Variants in PCDHGB5 observed in about 807,000 individuals in gnomAD.
PCDHGB5 encodes the protein protocadherin gamma-B5.
A neutral mutation model predicts 62.9 loss-of-function variants in PCDHGB5; 48 were observed. The ratio of observed to expected loss-of-function variants is 0.76; its 90% confidence interval spans 0.61 to 0.97. The LOEUF (loss-of-function observed/expected upper bound fraction) is 0.97, where lower values mean the gene tolerates loss of function less well. PCDHGB5 is among the 50% of genes least tolerant of loss of function. The pLI, the probability that PCDHGB5 is intolerant of heterozygous loss-of-function variation, is 0.00. For synonymous variants in PCDHGB5, 474 were observed against 511.2 expected, an observed-to-expected ratio of 0.93 and a Z score of 0.98; for missense variants, 1,118 against 1,198.6, an observed-to-expected ratio of 0.93 and a Z score of 0.99.
At position 141,415,772 on chromosome 5, in the gene PCDHGB5, T is replaced by A. The variant is rs540545854; in HGVS notation, c.2397+15248T>A. On this transcript the variant is annotated intron_variant, in intron 1 of 3. Coordinates refer to ENST00000617380, the MANE Select transcript of PCDHGB5 (RefSeq NM_018925.3). ...TTTTTTTTTTTTTTTTTTTTTTTTT[T>A]ACTTTCTGGTAAAATTCACCTAGTC... is the stretch of plus-strand genomic sequence containing the variant. 5,409 of 1,336,512 alleles carry A rather than the reference T, an allele frequency of 4.0e-3. 27 individuals carry two copies. The highest frequency in any genetic ancestry group is 7.3e-3 in the Admixed American group (200 of 27,462). 82.8% of individuals were successfully genotyped at this position (1,336,512 alleles called of 1,614,324 possible).
chr5:141,404,545 G>A (rs763601254), intron 1 of PCDHGB5: 1 of 1,613,940 alleles, frequency 6.2e-7, no homozygotes, highest in Admixed American at 1.7e-5. Context: ...TGCAAATGCA[G>A]GTGACGGCAA....
chr5:141,403,324 T>G (rs769971532), intron 1 of PCDHGB5: 1 of 1,613,974 alleles, frequency 6.2e-7, no homozygotes, highest in East Asian at 2.2e-5. Context: ...TAGAAGTAAC[T>G]GATATTAACG....
chr5:141,505,246 G>C, intron 2 of PCDHGB5, 147 bp from the exon 3 acceptor site: 2 of 1,436,674 alleles, frequency 1.4e-6, no homozygotes, highest in Non-Finnish European at 1.9e-6. Flanking sequence ...AAGGATTGTA[G>C]AAGTGCCTCC....
chr5:141,472,071 A>T (rs1243864250), intron 1 of PCDHGB5, among the ~76,000 whole-genome samples: 5 of 152,200 alleles, frequency 3.3e-5, no homozygotes, highest in South Asian at 2.1e-4. Context: ...GTCTGTGGTT[A>T]TATCAATGAG....
chr5:141,498,625 T>C (rs1327552423), intron 2 of PCDHGB5, among the ~76,000 whole-genome samples: 1 of 152,176 alleles, frequency 6.6e-6, no homozygotes, highest in Non-Finnish European at 1.5e-5. Context: ...TGGGTCACAC[T>C]GCCTAGACAG....
At chr5:141,423,090 G>A in intron 1 of PCDHGB5, 2 of 1,614,022 alleles carry the variant, frequency 1.2e-6, no homozygotes, top group Non-Finnish European at 1.7e-6. Flanking sequence ...TCGCGGTGGG[G>A]GAGCACACGG....
At position 141,489,380 on chromosome 5, in the gene PCDHGB5, A is replaced by G. The variant is rs753226956; in HGVS notation, c.2398-5427A>G. ...TCTGAGCCGGGGACGCTGGTGGGGA[A>G]TGTTGCTCAGGATCTGGGCTTAAAG... is the stretch of plus-strand genomic sequence containing the variant. On this transcript the variant is annotated intron_variant, in intron 1 of 3. Transcript: ENST00000617380. The surrounding 1 kb of genome is among the most constrained non-coding windows in gnomAD (Gnocchi z 4.5). The G allele has an allele frequency of 1.9e-6, 3 of 1,613,874 alleles. No individual in the cohort carries two copies. Among genetic ancestry groups the G allele is most frequent in the Admixed American group, 1.7e-5 (1 of 60,026 alleles).
intron 1 of PCDHGB5, chr5:141,403,278 T>C (rs1254967384): frequency 1.2e-6 from 2 of 1,613,784 alleles, no homozygotes; most frequent in Non-Finnish European, 1.7e-6. Context: ...TTTAAAGTCC[T>C]GGTTGAAGAC....
chr5:141,476,328 G>C lies in PCDHGB5; in HGVS notation c.2398-18479G>C, dbSNP rs1381722714. On this transcript the variant is annotated intron_variant, in intron 1 of 3. Coordinates refer to ENST00000617380, the MANE Select transcript of PCDHGB5 (RefSeq NM_018925.3). This position sits in a 1 kb window ranked among gnomAD's most constrained non-coding sequence, Gnocchi z 7.6. Reference sequence around the variant, plus strand: ...GCCCGCAGGTTCCGGGTGGTGTCTGGAGCTAGCCGAAGATTCTTTGAGGTG... The same window carrying C: ...GCCCGCAGGTTCCGGGTGGTGTCTGCAGCTAGCCGAAGATTCTTTGAGGTG... 1 of 1,614,176 alleles carries C rather than the reference G, an allele frequency of 6.2e-7. No individual in the cohort carries two copies. Among genetic ancestry groups the C allele is most frequent in the East Asian group, 2.2e-5 (1 of 44,864 alleles).
chr5:141,499,418 A>G (rs143234735), intron 2 of PCDHGB5, among the ~76,000 whole-genome samples: 1 of 152,296 alleles, frequency 6.6e-6, no homozygotes, highest in East Asian at 1.9e-4. Context: ...GAAACATGAA[A>G]AATAGAAAAA....
At position 141,491,832 on chromosome 5, in the gene PCDHGB5, C is replaced by T. The variant is rs755882255; in HGVS notation, c.2398-2975C>T. On this transcript the variant is annotated intron_variant, in intron 1 of 3. Coordinates refer to ENST00000617380, the MANE Select transcript of PCDHGB5 (RefSeq NM_018925.3). The surrounding 1 kb of genome is among the most constrained non-coding windows in gnomAD (Gnocchi z 6.9). ...GTCGCTGGCTGCGCTCCACCCGATT[C>T]TCGGGATCATTGGACCGTTTGCGCG... 1.6e-5 allele frequency: 24 copies of T among 1,474,306 alleles called. No individual in the cohort carries two copies. The highest frequency in any genetic ancestry group is 2.0e-5 in the Non-Finnish European group (22 of 1,112,688). 91.3% of individuals were successfully genotyped at this position (1,474,306 alleles called of 1,614,324 possible). A position where few individuals can be genotyped will look rare whatever the true frequency, so the allele number is the denominator to read the frequency against.
intron 1 of PCDHGB5, chr5:141,414,681 G>A: frequency 6.2e-7 from 1 of 1,613,954 alleles, no homozygotes; most frequent in African/African-American, 1.3e-5. Context: ...CCATCCAGGG[G>A]GTACCTCTGT....
chr5:141,467,788 A>G (rs2099151778), intron 1 of PCDHGB5, among the ~76,000 whole-genome samples: 1 of 152,020 alleles, frequency 6.6e-6, no homozygotes. Flanking sequence ...CCTCTCAAGT[A>G]GCTGGGACTA....
At chr5:141,420,284 TA>T in intron 1 of PCDHGB5, 2 of 1,505,934 alleles carry the variant, frequency 1.3e-6, no homozygotes, top group East Asian at 2.3e-5. Context: ...GGTAAGTATT[TA>T]AAAATGTATT....
intron 1 of PCDHGB5, among the ~76,000 whole-genome samples, chr5:141,430,346 C>G (rs1191705310): frequency 6.8e-6 from 1 of 148,074 alleles, no homozygotes; most frequent in Non-Finnish European, 1.5e-5. Context: ...ACTTCCAATT[C>G]ATTTAAAAGC....
chr5:141,430,938 C>A, intron 1 of PCDHGB5: 1 of 1,607,082 alleles, frequency 6.2e-7, no homozygotes, highest in Non-Finnish European at 8.5e-7. Context: ...CGGGAGCTCG[C>A]GGAGCGCGGA....
intron 1 of PCDHGB5, among the ~76,000 whole-genome samples, chr5:141,467,305 G>A (rs535466592): frequency 1.3e-5 from 2 of 152,078 alleles, no homozygotes; most frequent in African/African-American, 4.8e-5. Flanking sequence ...CACTCACCTC[G>A]GCCTCCCACA....
At chr5:141,509,143 C>T (rs1022878562) in intron 3 of PCDHGB5, among the ~76,000 whole-genome samples, 9 of 152,138 alleles carry the variant, frequency 5.9e-5, no homozygotes, top group Non-Finnish European at 1.0e-4. Flanking sequence ...AGGCGCATCC[C>T]GGCTCTCCCC....
intron 1 of PCDHGB5, chr5:141,402,812 C>T: frequency 8.0e-7 from 1 of 1,243,800 alleles, no homozygotes; most frequent in East Asian, 2.6e-5. Flanking sequence ...GCAGATACCA[C>T]AAACCTGCTC....
Sources: allele counts gnomAD v4.1 joint callset (sites outside exome capture counted in the v4.1 genomes callset), GRCh38; gene constraint gnomAD v4.1.1; non-coding constraint Gnocchi (gnomAD v3.1); transcripts MANE v1.5; gene names NCBI Gene and HGNC (gene_info 2026-07-23, HGNC 2026-07-21).